The following FFAR4 variants were observed in gnomAD, a reference collection of about 807,000 sequenced individuals.
FFAR4 encodes the protein free fatty acid receptor 4, also known as G-protein coupled receptor 120.
In FFAR4, 19 loss-of-function variants were observed where a neutral mutation model predicts 27.0. The ratio of observed to expected loss-of-function variants is 0.70; its 90% CI spans 0.49 to 1.03. The LOEUF is 1.03. Among genes scored for constraint, FFAR4 ranks in the 50% least tolerant of loss-of-function variants. The probability of loss-of-function intolerance (pLI) is 0.00; values close to 1 mark genes in which losing one functional copy is unlikely to be tolerated. For missense variants in FFAR4, 476 were observed against 479.0 expected (o/e 0.99, Z 0.06); for synonymous variants, 254 against 215.6 (o/e 1.18, Z -1.56).
At chr10:93,573,788 G>A (rs1435952897) in intron 1 of FFAR4, among the ~76,000 whole-genome samples, 1 of 152,154 alleles carries the variant, frequency 6.6e-6, no homozygotes, top group African/African-American at 2.4e-5. Context: ...CTTTATTAAA[G>A]TCACGGAATT....
chr10:93,583,098 G>C (rs972795098), intron 2 of FFAR4, among the ~76,000 whole-genome samples: 3 of 152,034 alleles, frequency 2.0e-5, no homozygotes, highest in African/African-American at 7.2e-5. Context: ...CCATATCCGG[G>C]TCAGAGGTAA....
chr10:93,573,969 A>G (rs2058147203), intron 1 of FFAR4, among the ~76,000 whole-genome samples: 1 of 152,240 alleles, frequency 6.6e-6, no homozygotes, highest in African/African-American at 2.4e-5. Context: ...GGAAATTCAG[A>G]TAAGCCACAA....
At chr10:93,579,057 T>G in intron 2 of FFAR4, 1 of 998,246 alleles carries the variant, frequency 1.0e-6, no homozygotes, top group East Asian at 2.4e-5. Flanking sequence ...CCTGAGGAGT[T>G]GGGGCAGCTG....
Position 93,566,937 on chromosome 10 carries a change from G to T in FFAR4, c.217G>T (p.Ala73Ser), listed in dbSNP as rs144165874. 5 of 1,610,190 alleles carry T rather than the reference G, an allele frequency of 3.1e-6. No individual in the cohort carries two copies. The highest frequency in any genetic ancestry group is 1.3e-5 in the African/African-American group (1 of 74,884). ...VLVARRRRRG[A>S]TACLVLNLFC... Reference sequence around the variant, plus strand: ...GGTGGCGCGCCGACGACGCCGCGGCGCGACTGCCTGCCTGGTACTCAACCT... The same window carrying T: ...GGTGGCGCGCCGACGACGCCGCGGCTCGACTGCCTGCCTGGTACTCAACCT... Residue 73 changes from alanine to serine, a missense_variant, in exon 1 of 3, where the codon GCG (alanine) becomes TCG (serine). Physicochemically the swap from Ala to Ser is moderately conservative, Grantham distance 99. Transcript: ENST00000371481.
chr10:93,566,819 C>T lies in FFAR4; in HGVS notation c.99C>T (p.Gly33=), dbSNP rs1284148465. Residue 33 remains glycine, a synonymous_variant, in exon 1 of 3, where the codon GGC becomes GGT. Coordinates refer to ENST00000371481, the MANE Select transcript of FFAR4 (RefSeq NM_001195755.2). The part of the protein sequence containing the change: ...TRFPFFSDVK[G]DHRLVLAAVE... The stretch of plus-strand genomic sequence containing the variant: ...TTCCCTTCTTCTCCGACGTCAAGGG[C>T]GACCACCGGCTGGTGCTGGCCGCGG... 3 of 1,604,098 alleles carry T rather than the reference C, an allele frequency of 1.9e-6. No individual in the cohort carries two copies. Among genetic ancestry groups the T allele is most frequent in the Non-Finnish European group, 1.7e-6 (2 of 1,176,460 alleles).
chr10:93,572,279 T>C (rs958974605), intron 1 of FFAR4, among the ~76,000 whole-genome samples: 1 of 152,078 alleles, frequency 6.6e-6, no homozygotes, highest in African/African-American at 2.4e-5. Flanking sequence ...GTGTCCCCAC[T>C]GAGTGTGAAG....
chr10:93,587,814 A>C lies in FFAR4; in HGVS notation c.*205A>C. 2 of 534,280 alleles carry C rather than the reference A, an allele frequency of 3.7e-6. No individual in the cohort carries two copies. The highest frequency in any genetic ancestry group is 6.6e-6 in the Non-Finnish European group (2 of 304,984). 33.1% of individuals were successfully genotyped at this position (534,280 alleles called of 1,614,324 possible). ...ATAAAAGGATTTGTTGGCCAGGTGC[A>C]GTGGTTCATGCCTGTAATCCCAGCA... On this transcript the variant is annotated 3_prime_UTR_variant, in exon 3 of 3. Transcript: ENST00000371481.
chr10:93,572,989 A>G (rs2058140649), intron 1 of FFAR4, among the ~76,000 whole-genome samples: 2 of 152,284 alleles, frequency 1.3e-5, no homozygotes, highest in Admixed American at 6.5e-5. Context: ...TCATCCCACA[A>G]TTCTGCTCTG....
intron 1 of FFAR4, among the ~76,000 whole-genome samples, chr10:93,574,317 T>C (rs912126802): frequency 1.3e-5 from 2 of 152,154 alleles, no homozygotes; most frequent in Non-Finnish European, 2.9e-5. Flanking sequence ...TGGAAAGAGT[T>C]GGGGGTCTTA....
intron 1 of FFAR4, among the ~76,000 whole-genome samples, chr10:93,574,980 T>A (rs1184516467): frequency 6.6e-6 from 1 of 152,242 alleles, no homozygotes; most frequent in African/African-American, 2.4e-5. Context: ...CTACCATGTG[T>A]TCACACCAGC....
chr10:93,582,666 A>G (rs1393424856), intron 2 of FFAR4, among the ~76,000 whole-genome samples: 1 of 152,044 alleles, frequency 6.6e-6, no homozygotes, highest in Non-Finnish European at 1.5e-5. Context: ...CAGAAGACAC[A>G]GGCATGCCTT....
intron 2 of FFAR4, among the ~76,000 whole-genome samples, chr10:93,580,331 A>G (rs753829728): frequency 1.5e-4 from 23 of 152,224 alleles, no homozygotes; most frequent in African/African-American, 4.1e-4. Context: ...CAGCACCACC[A>G]GTCCCACTTC....
chr10:93,587,125 T>C, intron 2 of FFAR4, 95 bp from the exon 3 acceptor site: 1 of 1,135,860 alleles, frequency 8.8e-7, no homozygotes, highest in Admixed American at 2.2e-5. Flanking sequence ...TTCAGTGCCT[T>C]GGGGATAGCA....
intron 1 of FFAR4, among the ~76,000 whole-genome samples, chr10:93,573,230 C>G (rs540941362): frequency 6.2e-4 from 94 of 152,340 alleles, no homozygotes; most frequent in Non-Finnish European, 9.7e-4. Flanking sequence ...TCAGCCACCA[C>G]GTCTGGAGTC....
chr10:93,575,260 A>G (rs2058157125), intron 1 of FFAR4, among the ~76,000 whole-genome samples: 1 of 152,194 alleles, frequency 6.6e-6, no homozygotes, highest in South Asian at 2.1e-4. Context: ...TAGGAAGTTT[A>G]TATGTGGGAA....
At chr10:93,572,927 T>C (rs2058140344) in intron 1 of FFAR4, among the ~76,000 whole-genome samples, 1 of 152,166 alleles carries the variant, frequency 6.6e-6, no homozygotes, top group Non-Finnish European at 1.5e-5. Flanking sequence ...GCAGAACACA[T>C]TTGGGGGATC....
rs764521972 is a variant in FFAR4 at position 93,587,452 on chromosome 10, C to G, written c.929C>G (p.Thr310Arg). ...CTCTTCTTCTGGGTGGTGGCCTTCA[C>G]ATTTGCTAATTCAGCCCTAAACCCC... ...PSLFFWVVAF[T>R]FANSALNPIL... The change falls in exon 3 of 3, where the codon ACA becomes AGA. Residue 310 changes from threonine (T) to arginine (R), a missense_variant. Transcript: ENST00000371481. The G allele has an allele frequency of 5.0e-6, 8 of 1,614,054 alleles. No homozygotes were observed. The Admixed American group carries it at 1.2e-4, about 24-fold the overall frequency.
intron 1 of FFAR4, among the ~76,000 whole-genome samples, chr10:93,573,493 T>G (rs2058143849): frequency 6.6e-6 from 1 of 152,142 alleles, no homozygotes; most frequent in South Asian, 2.1e-4. Flanking sequence ...CAAAACGACT[T>G]AAGCCAAATG....
In FFAR4 at chr10:93,566,772, G is replaced by C; in HGVS notation, c.52G>C (p.Glu18Gln). 1 of 1,608,188 alleles carries C rather than the reference G, an allele frequency of 6.2e-7. No homozygotes were observed. Among genetic ancestry groups the C allele is most frequent in the African/African-American group, 1.3e-5 (1 of 75,004 alleles). ...GGGCGACGCGCCCTTGCGCAGCCTG[G>C]AGCAAGCCAACCGCACCCGCTTTCC... The part of the protein sequence containing the change: ...AAGDAPLRSL[E>Q]QANRTRFPFF... Residue 18 changes from glutamate to glutamine, a missense_variant, in exon 1 of 3, where the codon GAG (glutamate) becomes CAG (glutamine). Glu to Gln is a conservative substitution (Grantham distance 29, BLOSUM62 2). Transcript: ENST00000371481.
Sources: gnomAD v4.1 joint callset for allele counts (sites outside exome capture counted in the v4.1 genomes callset) on GRCh38, gnomAD v4.1.1 for gene constraint, MANE v1.5 for transcripts, NCBI Gene and HGNC (gene_info 2026-07-23, HGNC 2026-07-21) for gene names.